TDRD1: variants seen among roughly 807,000 people sequenced by gnomAD.
TDRD1 encodes tudor domain containing 1, also known as tudor domain-containing protein 1.
A neutral mutation model predicts 140.6 loss-of-function variants in TDRD1; 37 were observed. That is an observed-to-expected ratio of 0.26 (90% CI 0.20 to 0.35). The LOEUF (loss-of-function observed/expected upper bound fraction) is 0.35, where lower values mean the gene tolerates loss of function less well. Among genes scored for constraint, TDRD1 ranks in the 10% least tolerant of loss-of-function variants. The pLI is 1.00. For synonymous variants in TDRD1, 506 were observed against 475.7 expected, an observed-to-expected ratio of 1.06 and a Z score of -0.83; for missense variants, 1,243 against 1,393.0, an observed-to-expected ratio of 0.89 and a Z score of 1.71.
intron 1 of TDRD1, among the ~76,000 whole-genome samples, chr10:114,181,593 C>T (rs927711307): frequency 6.6e-6 from 1 of 152,176 alleles, no homozygotes; most frequent in Admixed American, 6.5e-5. Context: ...GTGGCTCACA[C>T]CTGTAATTCC....
chr10:114,178,864 T>C (rs1333034863), upstream of TDRD1, among the ~76,000 whole-genome samples: 10 of 90,226 alleles, frequency 1.1e-4, 1 homozygote, highest in East Asian at 1.8e-3. Context: ...AAAAGTTCCA[T>C]AGCAAAAAAA....
At position 114,206,675 on chromosome 10, in the gene TDRD1, A is replaced by G. The variant is rs189431183; in HGVS notation, c.1384+345A>G. On this transcript the variant is annotated intron_variant, in intron 11 of 25. Coordinates refer to ENST00000251864, the Ensembl canonical transcript of TDRD1. Reference sequence around the variant, plus strand: ...GTTGTCCAAGCTGGAGTGCAATGGCATGGTCTCGGCTCCCTGTAACCTCTG... The same window carrying G: ...GTTGTCCAAGCTGGAGTGCAATGGCGTGGTCTCGGCTCCCTGTAACCTCTG... 3.7e-4 allele frequency among the ~76,000 whole-genome samples: 52 copies of G among 139,550 alleles called. No homozygotes were observed. The East Asian group carries it at 7.7e-3, about 21-fold the overall frequency. The allele number at this position is 139,550 out of a possible 152,430, so 91.6% of individuals were successfully genotyped here. A position where few individuals can be genotyped will look rare whatever the true frequency, so the allele number is the denominator to read the frequency against.
intron 14 of TDRD1, among the ~76,000 whole-genome samples, chr10:114,212,394 A>C (rs1034564040): frequency 6.6e-6 from 1 of 152,064 alleles, no homozygotes; most frequent in African/African-American, 2.4e-5. Flanking sequence ...CCTTCTTTTC[A>C]TGTTTGTGAT....
intron 3 of TDRD1, among the ~76,000 whole-genome samples, chr10:114,198,216 G>GC (rs1177795862): frequency 6.6e-6 from 1 of 152,158 alleles, no homozygotes; most frequent in African/African-American, 2.4e-5. Flanking sequence ...GTGGAGAGAG[G>GC]CCCGACTGAA....
intron 16 of TDRD1, among the ~76,000 whole-genome samples, chr10:114,215,137 T>G (rs943763647): frequency 6.6e-6 from 1 of 152,218 alleles, no homozygotes; most frequent in African/African-American, 2.4e-5. Context: ...AATTACACAC[T>G]ATGCGAGCTT....
At chr10:114,188,690 C>A (rs936405864) in intron 2 of TDRD1, among the ~76,000 whole-genome samples, 13 of 152,080 alleles carry the variant, frequency 8.5e-5, no homozygotes, top group Non-Finnish European at 1.6e-4. Context: ...AACCCCATCT[C>A]TACTAAAAAT....
At chr10:114,193,269 A>G (rs2034110079) in intron 3 of TDRD1, among the ~76,000 whole-genome samples, 1 of 139,388 alleles carries the variant, frequency 7.2e-6, no homozygotes, top group Non-Finnish European at 1.6e-5. Flanking sequence ...TTTATCTTCT[A>G]TCTGTGACCT....
intron 11 of TDRD1, among the ~76,000 whole-genome samples, chr10:114,210,047 T>G (rs1343286145): frequency 6.6e-6 from 1 of 152,234 alleles, no homozygotes; most frequent in Non-Finnish European, 1.5e-5. Context: ...TTTTGAAGCC[T>G]TTCCTTCTTA....
chr10:114,187,723 A>C (rs185767591), intron 1 of TDRD1, 103 bp from the exon 2 acceptor site: 40 of 1,075,218 alleles, frequency 3.7e-5, no homozygotes, highest in Non-Finnish European at 5.2e-5. Flanking sequence ...TTTTATAGGC[A>C]TTATCTGTTA....
chr10:114,220,424 G>A (rs936908115), intron 18 of TDRD1, 144 bp from the exon 19 acceptor site: 11 of 617,010 alleles, frequency 1.8e-5, no homozygotes, highest in African/African-American at 1.7e-4. Context: ...AGGCATGCAG[G>A]ATGTAGGTGT....
At chr10:114,192,292 CTTTT>C (rs938140798) in intron 3 of TDRD1, among the ~76,000 whole-genome samples, 14 of 75,112 alleles carry the variant, frequency 1.9e-4, no homozygotes, top group African/African-American at 4.1e-4. Context: ...GATAGTTTTC[CTTTT>C]TTTTTTTTTT....
At chr10:114,221,375 A>C (rs972366451) in exon 20 of TDRD1, 1 of 1,613,380 alleles carries the variant, frequency 6.2e-7, no homozygotes, top group South Asian at 1.1e-5. Context: ...TCAGCTGAGC[A>C]ATGGAAGACG....
At position 114,227,970 on chromosome 10, in the gene TDRD1, C is replaced by G. The variant is rs376744172; in HGVS notation, c.3450+14C>G. The G allele has an allele frequency of 6.2e-7, 1 of 1,613,278 alleles. No individual in the cohort carries two copies. The highest frequency in any genetic ancestry group is 8.5e-7 in the Non-Finnish European group (1 of 1,179,464). On this transcript the variant is annotated intron_variant, in intron 24 of 25. Transcript: ENST00000251864. The stretch of plus-strand genomic sequence containing the variant: ...TTACAGAAACAAGTAGGTAAAATTT[C>G]CTTTAAGTGAAATTATACTCCTAAC...
At chr10:114,199,261 T>G in exon 4 of TDRD1, 1 of 1,614,080 alleles carries the variant, frequency 6.2e-7, no homozygotes, top group Non-Finnish European at 8.5e-7. Context: ...CCAGGGCTCT[T>G]CACCTCCTTA....
chr10:114,186,991 C>G (rs927908801), intron 1 of TDRD1, among the ~76,000 whole-genome samples: 2 of 152,144 alleles, frequency 1.3e-5, no homozygotes, highest in Non-Finnish European at 2.9e-5. Context: ...ATTTTGGGAG[C>G]AAAGCTATCA....
chr10:114,199,022 TTA>T, intron 3 of TDRD1, 149 bp from the exon 4 acceptor site: 1 of 854,502 alleles, frequency 1.2e-6, no homozygotes, highest in African/African-American at 1.7e-5. Flanking sequence ...TATGTTTGTT[TTA>T]TATATAAGTT....
intron 1 of TDRD1, among the ~76,000 whole-genome samples, chr10:114,183,843 A>G (rs2033297222): frequency 6.6e-6 from 1 of 151,842 alleles, no homozygotes; most frequent in South Asian, 2.1e-4. Flanking sequence ...CTGGGATTAC[A>G]GGAGCCCACC....
chr10:114,181,862 AT>A (rs1380459540), intron 1 of TDRD1, among the ~76,000 whole-genome samples: 2 of 142,392 alleles, frequency 1.4e-5, no homozygotes, highest in African/African-American at 2.6e-5. Flanking sequence ...AAAAAAAAAA[AT>A]TCACCCTTAA....
chr10:114,201,624 T>TTTTTTTTTTTTG, intron 5 of TDRD1, 109 bp downstream of exon 5: 3 of 787,452 alleles, frequency 3.8e-6, no homozygotes, highest in South Asian at 1.8e-5. Flanking sequence ...TACTTTTTCT[T>TTTTTTTTTTTTG]AAGCTCTATA....
Sources: allele counts gnomAD v4.1 joint callset (sites outside exome capture counted in the v4.1 genomes callset), GRCh38; gene constraint gnomAD v4.1.1; transcripts MANE v1.5; gene names NCBI Gene and HGNC (gene_info 2026-07-23, HGNC 2026-07-21).